Variants in PALLD observed in about 807,000 individuals in gnomAD.
PALLD encodes the protein palladin.
In PALLD, 61 loss-of-function variants were observed where a neutral mutation model predicts 123.5. The ratio of observed to expected loss-of-function variants is 0.49; its 90% confidence interval spans 0.40 to 0.61. The LOEUF (loss-of-function observed/expected upper bound fraction) is 0.61. Ranked by LOEUF, PALLD falls within the 20% of genes least tolerant of loss-of-function variation. The probability of loss-of-function intolerance (pLI) is 0.00; values close to 1 mark genes in which losing one functional copy is unlikely to be tolerated. For synonymous variants in PALLD, 465 were observed against 496.4 expected, an observed-to-expected ratio of 0.94 and a Z score of 0.84; for missense variants, 1,273 against 1,377.0, an observed-to-expected ratio of 0.92 and a Z score of 1.20.
At chr4:168,499,171 C>A (rs1317334887) in intron 1 of PALLD, among the ~76,000 whole-genome samples, 4 of 103,654 alleles carry the variant, frequency 3.9e-5, no homozygotes, top group African/African-American at 1.2e-4. Flanking sequence ...CCTAAAGGAC[C>A]CTTTGTAGCA....
chr4:168,876,050 T>C (rs1379430307), intron 10 of PALLD, among the ~76,000 whole-genome samples: 1 of 152,188 alleles, frequency 6.6e-6, no homozygotes, highest in African/African-American at 2.4e-5. Flanking sequence ...AGCAGCGCCT[T>C]TGAGGAGAGC....
At chr4:168,832,052 C>G (rs1266273379) in intron 10 of PALLD, 7 of 985,298 alleles carry the variant, frequency 7.1e-6, no homozygotes, top group South Asian at 4.7e-5. Context: ...CTGAGTCACC[C>G]GGCGGGCGAG....
chr4:168,920,177 TG>T (rs1761153127), intron 17 of PALLD, among the ~76,000 whole-genome samples: 1 of 152,142 alleles, frequency 6.6e-6, no homozygotes, highest in African/African-American at 2.4e-5. Flanking sequence ...GGTCAGGCAG[TG>T]TACATGGAGA....
chr4:168,503,369 G>T (rs931992932), intron 1 of PALLD, among the ~76,000 whole-genome samples: 6 of 152,192 alleles, frequency 3.9e-5, no homozygotes, highest in Non-Finnish European at 8.8e-5. Context: ...CAGAAAGAGG[G>T]CTGGATGCAG....
At position 168,844,422 on chromosome 4, in the gene PALLD, C is replaced by T. The variant is rs1221875110; in HGVS notation, c.1965-46500C>T. The T allele has an allele frequency of 2.0e-5, 3 of 152,222 alleles. No homozygotes were observed. Among genetic ancestry groups the T allele is most frequent in the African/African-American group, 7.2e-5 (3 of 41,440 alleles). 9.4% of individuals were successfully genotyped at this position (152,222 alleles called of 1,614,324 possible). A position where few individuals can be genotyped will look rare whatever the true frequency, so the allele number is the denominator to read the frequency against. The stretch of plus-strand genomic sequence containing the variant: ...ATTCTTGTTAATACACATATACGCA[C>T]ACAGAAGAGAGAAGTGGGGAACCCC... On this transcript the variant is annotated intron_variant, in intron 10 of 21. Transcript: ENST00000505667. This position sits in a 1 kb window ranked among gnomAD's most constrained non-coding sequence, Gnocchi z 4.5.
At chr4:168,546,820 G>C (rs2149525213) in intron 2 of PALLD, among the ~76,000 whole-genome samples, 1 of 152,244 alleles carries the variant, frequency 6.6e-6, no homozygotes, top group East Asian at 1.9e-4. Context: ...TCCTGAACCT[G>C]ATTATACTTC....
chr4:168,760,924 C>G (rs1002516970), intron 10 of PALLD, among the ~76,000 whole-genome samples: 1 of 152,154 alleles, frequency 6.6e-6, no homozygotes, highest in Non-Finnish European at 1.5e-5. Context: ...ATGGATGGCT[C>G]AACCTCAGCA....
chr4:168,537,465 A>C (rs1765206106), intron 2 of PALLD, among the ~76,000 whole-genome samples: 1 of 152,226 alleles, frequency 6.6e-6, no homozygotes, highest in African/African-American at 2.4e-5. Flanking sequence ...ATACTGGAGC[A>C]AATTGTTTAG....
At chr4:168,690,818 A>T (rs903057707) in intron 7 of PALLD, 74 bp downstream of exon 7, 29 of 1,429,258 alleles carry the variant, frequency 2.0e-5, no homozygotes, top group Non-Finnish European at 2.7e-5. Flanking sequence ...AAGAAGGGCT[A>T]AGTCATTAAG....
chr4:168,686,288 A>C (rs1003121902), intron 6 of PALLD, among the ~76,000 whole-genome samples: 1 of 152,050 alleles, frequency 6.6e-6, no homozygotes, highest in African/African-American at 2.4e-5. Context: ...TACACGTGCC[A>C]TGGTGGTTTG....
intron 10 of PALLD, chr4:168,877,862 G>A (rs1385635362): frequency 1.6e-5 from 23 of 1,410,516 alleles, no homozygotes; most frequent in Non-Finnish European, 2.1e-5. Flanking sequence ...CGAGCTCGCG[G>A]CCTGCACGCC....
In PALLD at chr4:168,855,089, C is replaced by CTTTTTTTTT. The variant is rs11338063; in HGVS notation, c.1965-35821_1965-35813dup. On this transcript the variant is annotated intron_variant, in intron 10 of 21. Coordinates refer to ENST00000505667, the MANE Select transcript of PALLD (RefSeq NM_001166108.2). ...TGGGATAATGCTGAGAAGGAATGTT[C>CTTTTTTTTT]TTTTTTTTTTTTTTTTTTTTGAGAC... Among the ~76,000 whole-genome samples the CTTTTTTTTT allele has an allele frequency of 1.6e-4, 17 of 103,986 alleles. 2 individuals are homozygous for CTTTTTTTTT. The highest frequency in any genetic ancestry group is 5.2e-4 in the African/African-American group (14 of 27,006). The allele number at this position is 103,986 out of a possible 152,430, so 68.2% of individuals were successfully genotyped here.
At position 168,845,687 on chromosome 4, in the gene PALLD, C is replaced by T. The variant is rs80082952; in HGVS notation, c.1965-45235C>T. Among the ~76,000 whole-genome samples the T allele has an allele frequency of 7.9e-5, 12 of 152,196 alleles. No homozygotes were observed. In the East Asian group the frequency reaches 1.9e-3, roughly 24 times the overall value. On this transcript the variant is annotated intron_variant, in intron 10 of 21. Coordinates refer to ENST00000505667, the MANE Select transcript of PALLD (RefSeq NM_001166108.2). ...AAATACCGAGGGACAACTGTACTCA[C>T]GAGACAGGTTGTTAGAGTTTAAGAG...
chr4:168,809,262 A>G (rs1307948573), intron 10 of PALLD, among the ~76,000 whole-genome samples: 1 of 152,018 alleles, frequency 6.6e-6, no homozygotes, highest in African/African-American at 2.4e-5. Flanking sequence ...AACAGCTTTA[A>G]GTGCTCTGCT....
intron 2 of PALLD, among the ~76,000 whole-genome samples, chr4:168,558,890 G>A (rs1309004431): frequency 6.6e-6 from 1 of 152,196 alleles, no homozygotes; most frequent in Non-Finnish European, 1.5e-5. Flanking sequence ...ACCTAGGTGT[G>A]TCTTTTTTCT....
chr4:168,896,467 T>C (rs549775218), intron 12 of PALLD, 82 bp from the exon 13 acceptor site: 1 of 829,568 alleles, frequency 1.2e-6, no homozygotes, highest in South Asian at 1.4e-5. Flanking sequence ...CACAAAAGTT[T>C]CACTTAAGGA....
At chr4:168,712,813 T>C (rs1183113691) in intron 10 of PALLD, among the ~76,000 whole-genome samples, 1 of 152,146 alleles carries the variant, frequency 6.6e-6, no homozygotes, top group Non-Finnish European at 1.5e-5. Flanking sequence ...TGTTTTTGAT[T>C]TGGGGCAGGA....
chr4:168,673,623 G>A (rs1225755799), intron 3 of PALLD, among the ~76,000 whole-genome samples: 4 of 152,178 alleles, frequency 2.6e-5, no homozygotes, highest in Middle Eastern at 3.2e-3. Flanking sequence ...GAAGCCTATT[G>A]CAGCAGGACA....
chr4:168,506,204 G>T (rs1761981262), intron 1 of PALLD: 1 of 152,120 alleles, frequency 6.6e-6, no homozygotes, highest in Non-Finnish European at 1.5e-5. Context: ...CTTCAACCAG[G>T]CCCTCACCTC....
Sources: gnomAD v4.1 joint callset for allele counts (sites outside exome capture counted in the v4.1 genomes callset) on GRCh38, gnomAD v4.1.1 for gene constraint, Gnocchi (gnomAD v3.1) non-coding constraint, MANE v1.5 for transcripts, NCBI Gene and HGNC (gene_info 2026-07-23, HGNC 2026-07-21) for gene names.